The following GAL3ST4 variants were observed in gnomAD, a reference collection of about 807,000 sequenced individuals.
The protein encoded by GAL3ST4 is galactose-3-O-sulfotransferase 4, also known as beta-galactose-3-O-sulfotransferase 4.
GAL3ST4 carries 30 observed loss-of-function variants against 31.6 expected under a neutral mutation model. The ratio of observed to expected loss-of-function variants is 0.95; its 90% CI spans 0.71 to 1.29. GAL3ST4 has a LOEUF of 1.29. Among genes scored for constraint, GAL3ST4 ranks in the 50% most tolerant of loss-of-function variants. The pLI, the probability that GAL3ST4 is intolerant of heterozygous loss-of-function variation, is 0.00. For missense variants in GAL3ST4, 629 were observed against 625.2 expected (o/e 1.01, Z -0.06); for synonymous variants, 248 against 256.9 (o/e 0.97, Z 0.33).
rs1491177370 is a variant in GAL3ST4 at position 100,165,817 on chromosome 7, T to TCACACA, written c.429+684_429+685insTGTGTG. Among the ~76,000 whole-genome samples the TCACACA allele has an allele frequency of 4.7e-4, 26 of 55,278 alleles. No individual in the cohort carries two copies. In the South Asian group the frequency reaches 0.013, roughly 28 times the overall value. The allele number at this position is 55,278 out of a possible 152,430, so 36.3% of individuals were successfully genotyped here. A position where few individuals can be genotyped will look rare whatever the true frequency, so the allele number is the denominator to read the frequency against. On this transcript the variant is annotated intron_variant, in intron 3 of 3. Transcript: ENST00000360039. Reference sequence around the variant, plus strand: ...GCCTGGATGACAGAATGAGACCCTGTCTCACACACACACACACACACACAC... The same window carrying TCACACA: ...GCCTGGATGACAGAATGAGACCCTGTCACACACTCACACACACACACACACACACAC...
chr7:100,162,404 G>T (rs1419597633), intron 3 of GAL3ST4, among the ~76,000 whole-genome samples: 1 of 151,602 alleles, frequency 6.6e-6, no homozygotes, highest in African/African-American at 2.4e-5. Flanking sequence ...AATTAGCCAG[G>T]CGTGGTGGCA....
intron 3 of GAL3ST4, among the ~76,000 whole-genome samples, chr7:100,161,756 G>T (rs1213844801): frequency 6.6e-6 from 1 of 151,958 alleles, no homozygotes; most frequent in Non-Finnish European, 1.5e-5. Context: ...TGCAGCCATA[G>T]AAAAGAATGA....
chr7:100,167,278 C>T lies in GAL3ST4; in HGVS notation c.-183G>A, dbSNP rs1193941179. On this transcript the variant is annotated 5_prime_UTR_variant, in exon 2 of 4. Transcript: ENST00000360039. ...TGAGTTAGCAGATTTTTGCCTCTGT[C>T]AGCGTCTAGAAGGGAAATGAGGGGG... 1 of 1,427,324 alleles carries T rather than the reference C, an allele frequency of 7.0e-7. No individual in the cohort carries two copies. The highest frequency in any genetic ancestry group is 9.3e-7 in the Non-Finnish European group (1 of 1,078,966). The allele number at this position is 1,427,324 out of a possible 1,614,324, so 88.4% of individuals were successfully genotyped here.
chr7:100,168,005 G>GACACACACACAC lies in GAL3ST4; in HGVS notation c.-189+529_-189+540dup, dbSNP rs57521505. The GACACACACACAC allele has an allele frequency of 6.9e-5, 10 of 145,614 alleles. No homozygotes were observed. The highest frequency in any genetic ancestry group is 1.8e-4 in the African/African-American group (7 of 38,538). 9.0% of individuals were successfully genotyped at this position (145,614 alleles called of 1,614,324 possible). A position where few individuals can be genotyped will look rare whatever the true frequency, so the allele number is the denominator to read the frequency against. ...GGAGAGGGAGACAGAAAGAGAGAGA[G>GACACACACACAC]ACACACACACACACACACACACACA... On this transcript the variant is annotated intron_variant, in intron 1 of 3. Coordinates refer to ENST00000360039, the MANE Select transcript of GAL3ST4 (RefSeq NM_024637.5). This position sits in a 1 kb window ranked among gnomAD's most constrained non-coding sequence, Gnocchi z 4.1.
intron 3 of GAL3ST4, among the ~76,000 whole-genome samples, chr7:100,164,357 C>A (rs1277024187): frequency 6.6e-6 from 1 of 152,088 alleles, no homozygotes; most frequent in African/African-American, 2.4e-5. Context: ...CCACATCCAC[C>A]TTTTCCTTTA....
chr7:100,166,277 G>C (rs950519601), intron 3 of GAL3ST4, among the ~76,000 whole-genome samples: 1 of 152,230 alleles, frequency 6.6e-6, no homozygotes, highest in African/African-American at 2.4e-5. Flanking sequence ...AGAGAGACTG[G>C]AGTAAGCGCC....
rs368643591 is a variant in GAL3ST4 at position 100,160,777 on chromosome 7, G to C, written c.612C>G (p.His204Gln). 109 of 1,614,122 alleles carry C rather than the reference G, an allele frequency of 6.8e-5. No homozygotes were observed. The highest frequency in any genetic ancestry group is 8.0e-5 in the Non-Finnish European group (94 of 1,180,054). The change falls in exon 4 of 4, where the codon CAC becomes CAG. Residue 204 changes from histidine to glutamine, a missense_variant. Transcript: ENST00000360039. ...CAAACCATAGTAAGTTGCGAGCGTA[G>C]TGGTCCCCACGGGCCCCAGGCCTGT... ...GFYRPGARGD[H>Q]YARNLLWFDF... is the part of the protein sequence containing the mutation.
In GAL3ST4 at chr7:100,160,520, C is replaced by T. The variant is rs901090009; in HGVS notation, c.869G>A (p.Gly290Asp). Reference protein sequence around the residue: ...DLGSSSFIQWGLAWLDSVFDL... With the variant: ...DLGSSSFIQWDLAWLDSVFDL... ...AAAGACAGAGTCCAGCCATGCCAGA[C>T]CCCACTGGATGAAGGATGAAGACCC... Residue 290 changes from glycine to aspartate, a missense_variant, in exon 4 of 4, where the codon GGT becomes GAT. Physicochemically the swap from Gly to Asp is moderately conservative, Grantham distance 94. Transcript: ENST00000360039. The T allele has an allele frequency of 1.2e-6, 2 of 1,613,958 alleles. No homozygotes were observed. The highest frequency in any genetic ancestry group is 1.6e-4 in the Middle Eastern group (1 of 6,062).
rs1290181494 is a variant in GAL3ST4 at position 100,167,205 on chromosome 7, G to A, written c.-110C>T. ...TGCGGAAGGCACTGGTTGGAGATCG[G>A]GGGGTCATTCCCCAGGCCTGCTCAC... On this transcript the variant is annotated 5_prime_UTR_variant, in exon 2 of 4. Coordinates refer to ENST00000360039, the MANE Select transcript of GAL3ST4 (RefSeq NM_024637.5). The A allele has an allele frequency of 1.3e-6, 2 of 1,544,848 alleles. No homozygotes were observed. The highest frequency in any genetic ancestry group is 3.9e-5 in the Admixed American group (2 of 50,740).
intron 3 of GAL3ST4, among the ~76,000 whole-genome samples, chr7:100,165,091 G>A (rs1454939019): frequency 1.3e-5 from 2 of 151,966 alleles, no homozygotes; most frequent in African/African-American, 4.8e-5. Flanking sequence ...AGCCAGGATG[G>A]TCTCGATCTC....
chr7:100,162,068 C>T (rs1799011699), intron 3 of GAL3ST4, among the ~76,000 whole-genome samples: 1 of 152,108 alleles, frequency 6.6e-6, no homozygotes, highest in Admixed American at 6.5e-5. Flanking sequence ...ACCACCAGGG[C>T]ACATGTGTAC....
intron 3 of GAL3ST4, 38 bp downstream of exon 3, chr7:100,166,464 C>A: frequency 1.3e-6 from 2 of 1,571,152 alleles, no homozygotes; most frequent in East Asian, 2.3e-5. Flanking sequence ...CTGAGCCCAT[C>A]TGTTTCTGGT....
At position 100,166,553 on chromosome 7, in the gene GAL3ST4, G is replaced by T; in HGVS notation, c.378C>A (p.Thr126=). 1 of 1,614,132 alleles carries T rather than the reference G, an allele frequency of 6.2e-7. No individual in the cohort carries two copies. Among genetic ancestry groups the T allele is most frequent in the Non-Finnish European group, 8.5e-7 (1 of 1,180,012 alleles). ...VKGYRPQGGG[T]QLPFHILCHH... is the part of the protein sequence containing the mutation. ...GACAGAGGATGTGGAAGGGGAGCTG[G>T]GTGCCTCCACCCTGTGGGCGGTAGC... The change falls in exon 3 of 4, where the codon ACC becomes ACA. Residue 126 remains threonine, a synonymous_variant. Coordinates refer to ENST00000360039, the MANE Select transcript of GAL3ST4 (RefSeq NM_024637.5).
intron 3 of GAL3ST4, among the ~76,000 whole-genome samples, chr7:100,163,096 C>T (rs536229324): frequency 7.9e-5 from 12 of 152,272 alleles, no homozygotes; most frequent in African/African-American, 1.9e-4. Context: ...AATGCCATCT[C>T]GGGCATAGGC....
intron 3 of GAL3ST4, 71 bp downstream of exon 3, chr7:100,166,431 C>T: frequency 6.7e-7 from 1 of 1,494,200 alleles, no homozygotes; most frequent in Non-Finnish European, 9.1e-7. Context: ...CAGGTCTGGG[C>T]CCCCTCCCTT....
Position 100,166,530 on chromosome 7 carries a change from C to A in GAL3ST4, c.401G>T (p.Cys134Phe), listed in dbSNP as rs1799076379. The A allele has an allele frequency of 1.9e-6, 3 of 1,613,742 alleles. No homozygotes were observed. Among genetic ancestry groups the A allele is most frequent in the Non-Finnish European group, 2.5e-6 (3 of 1,179,866 alleles). The change falls in exon 3 of 4, where the codon TGT becomes TTT. Residue 134 changes from cysteine (C) to phenylalanine (F), a missense_variant. Coordinates refer to ENST00000360039, the MANE Select transcript of GAL3ST4 (RefSeq NM_024637.5). ...GGTQLPFHILCHHMRFNLKEV... is the reference protein window; with the variant it reads ...GGTQLPFHILFHHMRFNLKEV... ...TTTCAGGTTGAACCTCATGTGGTGA[C>A]AGAGGATGTGGAAGGGGAGCTGGGT...
Position 100,160,479 on chromosome 7 carries a change from C to A in GAL3ST4, c.910G>T (p.Ala304Ser), listed in dbSNP as rs1270405414. 6.2e-7 allele frequency: 1 copy of A among 1,614,074 alleles called. No individual in the cohort carries two copies. The highest frequency in any genetic ancestry group is 1.6e-4 in the Middle Eastern group (1 of 6,062). ...ACCAATGACTCATCGAAGTACTCAGCCACCATGACCAGGTCAAAGACAGAG... is the reference window on the plus strand; with the variant it reads ...ACCAATGACTCATCGAAGTACTCAGACACCATGACCAGGTCAAAGACAGAG... Reference protein sequence around the residue: ...LDSVFDLVMVAEYFDESLVLL... With the variant: ...LDSVFDLVMVSEYFDESLVLL... Residue 304 changes from alanine to serine, a missense_variant, in exon 4 of 4, where the codon GCT becomes TCT. Ala to Ser is a moderately conservative substitution (Grantham distance 99, BLOSUM62 1). Transcript: ENST00000360039.
In GAL3ST4 at chr7:100,159,881, G is replaced by A; in HGVS notation, c.*47C>T. ...TTGCTGCCCCCCACTCATCACATGT[G>A]CCCTTCAAACATGGCTGCTCTTCCA... On this transcript the variant is annotated 3_prime_UTR_variant, in exon 4 of 4. Coordinates refer to ENST00000360039, the MANE Select transcript of GAL3ST4 (RefSeq NM_024637.5). 1.4e-6 allele frequency: 2 copies of A among 1,464,198 alleles called. No homozygotes were observed. The highest frequency in any genetic ancestry group is 1.9e-6 in the Non-Finnish European group (2 of 1,069,474). The allele number at this position is 1,464,198 out of a possible 1,614,324, so 90.7% of individuals were successfully genotyped here. A position where few individuals can be genotyped will look rare whatever the true frequency, so the allele number is the denominator to read the frequency against.
rs780890077 is a variant in GAL3ST4, at chr7:100,167,259, A to C, written c.-164T>G. On this transcript the variant is annotated 5_prime_UTR_variant, in exon 2 of 4. The change abolishes the stop of an existing upstream ORF in the 5' untranslated region. Transcript: ENST00000360039. The stretch of plus-strand genomic sequence containing the variant: ...CTTGGTTGAGTCTGCCCCCTGAGTT[A>C]GCAGATTTTTGCCTCTGTCAGCGTC... 1.0e-5 allele frequency: 15 copies of C among 1,468,340 alleles called. No homozygotes were observed. The highest frequency in any genetic ancestry group is 1.4e-5 in the Non-Finnish European group (15 of 1,108,414). The allele number at this position is 1,468,340 out of a possible 1,614,324, so 91.0% of individuals were successfully genotyped here.
Sources: gnomAD v4.1 joint callset for allele counts (sites outside exome capture counted in the v4.1 genomes callset) on GRCh38, gnomAD v4.1.1 for gene constraint, Gnocchi (gnomAD v3.1) non-coding constraint, MANE v1.5 for transcripts, NCBI Gene and HGNC (gene_info 2026-07-23, HGNC 2026-07-21) for gene names.